SV2C: variants seen among roughly 807,000 people sequenced by gnomAD.
SV2C encodes the protein synaptic vesicle glycoprotein 2C, also known as solute carrier family 22 member B3.
Under a neutral mutation model 79.7 loss-of-function variants are expected in SV2C, and 49 were observed. The ratio of observed to expected loss-of-function variants is 0.61; its 90% CI spans 0.49 to 0.78. The LOEUF (loss-of-function observed/expected upper bound fraction) is 0.78, where lower values mean the gene tolerates loss of function less well. Ranked by LOEUF, SV2C falls within the 30% of genes least tolerant of loss-of-function variation. SV2C has a pLI of 0.00. For missense variants in SV2C, 833 were observed against 912.9 expected, an observed-to-expected ratio of 0.91 and a Z score of 1.13; for synonymous variants, 334 against 333.2, an observed-to-expected ratio of 1.00 and a Z score of -0.03.
intron 1 of SV2C, among the ~76,000 whole-genome samples, chr5:76,115,206 G>A (rs1184943831): frequency 3.9e-5 from 6 of 152,234 alleles, no homozygotes; most frequent in Admixed American, 1.3e-4. Context: ...TATGGATGGC[G>A]TGACTGCTTT....
chr5:75,850,368 T>C, the SV2C span, among the ~76,000 whole-genome samples: 1 of 152,224 alleles, frequency 6.6e-6, no homozygotes, highest in Non-Finnish European at 1.5e-5. Flanking sequence ...ATCAATTTGT[T>C]ATATATTTGC....
chr5:76,323,999 C>T (rs1447677816), intron 12 of SV2C, among the ~76,000 whole-genome samples: 6 of 152,040 alleles, frequency 3.9e-5, no homozygotes, highest in East Asian at 3.9e-4. Context: ...ACATGTATCT[C>T]GGAACTGAAA....
In SV2C at chr5:76,344,601, C is replaced by A. The variant is rs369704450; in HGVS notation, c.2001-8529C>A. On this transcript the variant is annotated intron_variant, in intron 12 of 12. Transcript: ENST00000322285. ...GTGCACGCCTGTAATCCCAGCTCCT[C>A]GGGAGGCTGAGGTAGGAGAATCGCT... 7.9e-5 allele frequency among the ~76,000 whole-genome samples: 12 copies of A among 151,974 alleles called. No homozygotes were observed. In the East Asian group the frequency reaches 1.5e-3, roughly 20 times the overall value.
chr5:76,353,860 T>A (rs962524556), exon 13 of SV2C: 3 of 152,242 alleles, frequency 2.0e-5, no homozygotes, highest in African/African-American at 7.2e-5. Context: ...ACATAATATG[T>A]ACTTCTTTGC....
At chr5:75,935,885 A>G in the SV2C span, among the ~76,000 whole-genome samples, 2 of 152,338 alleles carry the variant, frequency 1.3e-5, no homozygotes, top group African/African-American at 4.8e-5. Context: ...CTGACTATCC[A>G]CACATAAGTT....
chr5:76,016,581 G>A, the SV2C span, among the ~76,000 whole-genome samples: 1 of 152,118 alleles, frequency 6.6e-6, no homozygotes, highest in Non-Finnish European at 1.5e-5. Context: ...CCTTCCTGAG[G>A]CTGACATTTT....
the SV2C span, among the ~76,000 whole-genome samples, chr5:76,012,841 AC>A: frequency 6.6e-6 from 1 of 152,118 alleles, no homozygotes; most frequent in East Asian, 1.9e-4. Context: ...AGTTTTCCCA[AC>A]ACCATTTATT....
chr5:76,227,201 T>C (rs1487357275), intron 4 of SV2C, among the ~76,000 whole-genome samples: 1 of 152,174 alleles, frequency 6.6e-6, no homozygotes, highest in African/African-American at 2.4e-5. Context: ...TGACGGCCTG[T>C]ACTGCACAGG....
intron 4 of SV2C, among the ~76,000 whole-genome samples, chr5:76,268,045 T>C (rs978971815): frequency 1.3e-5 from 2 of 152,182 alleles, no homozygotes; most frequent in African/African-American, 2.4e-5. Flanking sequence ...CTCCTCGTGA[T>C]TCTTAGCACA....
chr5:76,314,047 A>G (rs1295808057), intron 12 of SV2C, among the ~76,000 whole-genome samples: 1 of 152,204 alleles, frequency 6.6e-6, no homozygotes, highest in Non-Finnish European at 1.5e-5. Context: ...TATCACCCAG[A>G]CCTTATGATG....
chr5:76,206,888 G>A lies in SV2C; in HGVS notation c.762-2848G>A, dbSNP rs147062179. Among the ~76,000 whole-genome samples the A allele has an allele frequency of 1.9e-3, 283 of 152,274 alleles. 2 individuals carry two copies. The highest frequency in any genetic ancestry group is 0.016 in the Admixed American group (242 of 15,292). On this transcript the variant is annotated intron_variant, in intron 3 of 12. Coordinates refer to ENST00000502798, the MANE Select transcript of SV2C (RefSeq NM_014979.4). ...CTTGGATTGTTTTATATATCGCTGA[G>A]TCTAAATAACTTTGCAAAGGATTTA...
At chr5:76,237,969 AAC>A (rs200837649) in intron 4 of SV2C, among the ~76,000 whole-genome samples, 62 of 136,802 alleles carry the variant, frequency 4.5e-4, no homozygotes, top group Middle Eastern at 3.6e-3. Context: ...CCAGAGGACT[AAC>A]ACACACACAC....
the SV2C span, among the ~76,000 whole-genome samples, chr5:75,851,782 T>G: frequency 6.6e-6 from 1 of 152,226 alleles, no homozygotes; most frequent in African/African-American, 2.4e-5. Flanking sequence ...CCCCAGCAGC[T>G]GGGACTACAG....
At position 76,209,886 on chromosome 5, in the gene SV2C, C is replaced by T. The variant is rs377280885; in HGVS notation, c.912C>T (p.Tyr304=). 6.2e-6 allele frequency: 10 copies of T among 1,611,238 alleles called. No homozygotes were observed. Among genetic ancestry groups the T allele is most frequent in the East Asian group, 2.2e-5 (1 of 44,818 alleles). The change falls in exon 4 of 13, where the codon TAC becomes TAT. Residue 304 remains tyrosine (Y), a splice_region_variant and synonymous_variant. Coordinates refer to ENST00000502798, the MANE Select transcript of SV2C (RefSeq NM_014979.4). The part of the protein sequence containing the change: ...SAMAWAIIPH[Y]GWSFSMGSAY... ...TGGCCTGGGCCATCATCCCGCACTA[C>T]GGTAAGAGGCTGGCCTTGCCCCAGC...
chr5:75,967,770 G>A, the SV2C span, among the ~76,000 whole-genome samples: 6 of 152,234 alleles, frequency 3.9e-5, no homozygotes, highest in Non-Finnish European at 7.3e-5. Flanking sequence ...ACAAAAGACA[G>A]CAATAATTTC....
the SV2C span, among the ~76,000 whole-genome samples, chr5:76,039,756 C>CA: frequency 1.3e-3 from 155 of 119,038 alleles, no homozygotes; most frequent in South Asian, 3.4e-3. Flanking sequence ...AACTCCATCT[C>CA]AAAAAAAAAA....
At chr5:76,086,426 G>A (rs1580254655) in intron 1 of SV2C, among the ~76,000 whole-genome samples, 1 of 152,256 alleles carries the variant, frequency 6.6e-6, no homozygotes, top group African/African-American at 2.4e-5. Context: ...TCCAGATGAC[G>A]GTAGATTTCT....
chr5:76,065,445 G>C, the SV2C span, among the ~76,000 whole-genome samples: 1 of 152,138 alleles, frequency 6.6e-6, no homozygotes, highest in Non-Finnish European at 1.5e-5. Flanking sequence ...TCCTCTTCAT[G>C]GGGATCAAAG....
At chr5:76,335,694 C>A (rs1365948405), downstream of SV2C, among the ~76,000 whole-genome samples, 2 of 152,044 alleles carry the variant, frequency 1.3e-5, no homozygotes, top group Non-Finnish European at 2.9e-5. Flanking sequence ...TCCATTTAAC[C>A]CTGAGTGGAC....
Sources: gnomAD v4.1 joint callset for allele counts (sites outside exome capture counted in the v4.1 genomes callset) on GRCh38, gnomAD v4.1.1 for gene constraint, MANE v1.5 for transcripts, NCBI Gene and HGNC (gene_info 2026-07-23, HGNC 2026-07-21) for gene names.